The following ANKS1B variants were observed in gnomAD, a reference collection of about 807,000 sequenced individuals.
The protein encoded by ANKS1B is ankyrin repeat and sterile alpha motif domain-containing protein 1B.
A neutral mutation model predicts 148.3 loss-of-function variants in ANKS1B; 36 were observed. The observed-to-expected ratio is 0.24, with a 90% CI of 0.19 to 0.32. The LOEUF (loss-of-function observed/expected upper bound fraction) is 0.32, where lower values mean the gene tolerates loss of function less well. ANKS1B is among the 10% of genes least tolerant of loss of function. The pLI, the probability that ANKS1B is intolerant of heterozygous loss-of-function variation, is 1.00. For missense variants in ANKS1B, 1,157 were observed against 1,542.6 expected (o/e 0.75, Z 4.19); for synonymous variants, 542 against 560.8 (o/e 0.97, Z 0.47).
At chr12:99,288,122 C>T (rs1162505321) in intron 12 of ANKS1B, among the ~76,000 whole-genome samples, 1 of 152,030 alleles carries the variant, frequency 6.6e-6, no homozygotes, top group Non-Finnish European at 1.5e-5. Context: ...TTTTAATAAT[C>T]AAACTCCCAA....
chr12:98,930,934 A>G (rs2099813141), intron 17 of ANKS1B, among the ~76,000 whole-genome samples: 1 of 151,764 alleles, frequency 6.6e-6, no homozygotes, highest in Non-Finnish European at 1.5e-5. Context: ...AAATCTGGCC[A>G]CTCATGGTTT....
chr12:99,679,104 A>G (rs191841986), intron 8 of ANKS1B, among the ~76,000 whole-genome samples: 1 of 152,338 alleles, frequency 6.6e-6, no homozygotes, highest in Admixed American at 6.5e-5. Context: ...CAGAATAAAA[A>G]TGAACCCTGA....
chr12:98,816,421 G>A (rs1271892772), intron 19 of ANKS1B, among the ~76,000 whole-genome samples: 1 of 151,998 alleles, frequency 6.6e-6, no homozygotes, highest in Non-Finnish European at 1.5e-5. Flanking sequence ...TCAGCCTCCC[G>A]AGTAGCTGGG....
At chr12:98,999,591 C>A (rs184270510) in intron 17 of ANKS1B, among the ~76,000 whole-genome samples, 1 of 152,236 alleles carries the variant, frequency 6.6e-6, no homozygotes, top group African/African-American at 2.4e-5. Flanking sequence ...AAGGTTAACT[C>A]TTTATATCTA....
At position 98,829,414 on chromosome 12, in the gene ANKS1B, AT is replaced by A. The variant is rs1458516828; in HGVS notation, c.2887-62del. On this transcript the variant is annotated intron_variant, in intron 18 of 26. Coordinates refer to ENST00000683438, the MANE Select transcript of ANKS1B (RefSeq NM_001352186.2). The surrounding 1 kb of genome is among the most constrained non-coding windows in gnomAD (Gnocchi z 5.2). ...TCTGTGGCTAACCTTTGGTTTCAAA[AT>A]TGTGAAATACTGACAAGACAAACTG... 6.5e-7 allele frequency: 1 copy of A among 1,537,052 alleles called. No homozygotes were observed. Among genetic ancestry groups the A allele is most frequent in the African/African-American group, 1.4e-5 (1 of 72,700 alleles).
chr12:99,179,875 T>C (rs1198006264), intron 14 of ANKS1B, among the ~76,000 whole-genome samples: 1 of 152,240 alleles, frequency 6.6e-6, no homozygotes, highest in Non-Finnish European at 1.5e-5. Flanking sequence ...TTATTATTAG[T>C]ATCATCAAAA....
chr12:99,010,022 G>A (rs1382747407), intron 17 of ANKS1B, among the ~76,000 whole-genome samples: 2 of 152,150 alleles, frequency 1.3e-5, no homozygotes, highest in Non-Finnish European at 2.9e-5. Context: ...GGCCAGGAGC[G>A]TGGAGGGAAC....
chr12:98,981,093 C>A (rs778097085), intron 17 of ANKS1B, among the ~76,000 whole-genome samples: 3 of 151,636 alleles, frequency 2.0e-5, no homozygotes, highest in Non-Finnish European at 2.9e-5. Flanking sequence ...ACTGCTTGAG[C>A]TCAGGAGTTT....
intron 17 of ANKS1B, chr12:98,893,641 T>C (rs1022880741): frequency 1.3e-4 from 20 of 152,238 alleles, no homozygotes; most frequent in African/African-American, 4.8e-4. Flanking sequence ...CTAAGAATCA[T>C]CAAGCAATTC....
intron 8 of ANKS1B, among the ~76,000 whole-genome samples, chr12:99,753,971 C>T (rs1420702240): frequency 6.6e-6 from 1 of 151,780 alleles, no homozygotes; most frequent in Admixed American, 6.6e-5. Context: ...TACAGTGAGC[C>T]AAGATCACAC....
intron 20 of ANKS1B, among the ~76,000 whole-genome samples, chr12:98,802,355 T>C (rs552619845): frequency 6.4e-4 from 97 of 152,228 alleles, no homozygotes; most frequent in African/African-American, 2.2e-3. Flanking sequence ...TTGGATGCAG[T>C]TGTATGTTTT....
chr12:99,162,332 TTATATAG>T (rs1372753571), intron 14 of ANKS1B, among the ~76,000 whole-genome samples: 1 of 152,110 alleles, frequency 6.6e-6, no homozygotes, highest in East Asian at 1.9e-4. Context: ...ATATATGTAT[TTATATAG>T]TATATCAGTA....
intron 8 of ANKS1B, among the ~76,000 whole-genome samples, chr12:99,761,032 C>T (rs552705878): frequency 3.2e-5 from 2 of 61,604 alleles, no homozygotes; most frequent in Non-Finnish European, 6.6e-5. Context: ...TAATGAATTC[C>T]GAAATGGAAT....
intron 25 of ANKS1B, among the ~76,000 whole-genome samples, chr12:98,753,314 C>T (rs115651923): frequency 1.2e-3 from 187 of 152,288 alleles, no homozygotes; most frequent in African/African-American, 4.2e-3. Context: ...GGCAGGGTGG[C>T]CACCACACCC....
At chr12:99,682,467 G>T (rs918961208) in intron 8 of ANKS1B, among the ~76,000 whole-genome samples, 8 of 152,146 alleles carry the variant, frequency 5.3e-5, no homozygotes, top group African/African-American at 1.9e-4. Context: ...TCAAAACCAT[G>T]GAAATACATG....
chr12:99,096,631 T>A (rs1482897930), intron 15 of ANKS1B, among the ~76,000 whole-genome samples: 1 of 152,156 alleles, frequency 6.6e-6, no homozygotes, highest in African/African-American at 2.4e-5. Flanking sequence ...GAAGGGAAAA[T>A]TTGTATCAGG....
chr12:98,960,892 G>A (rs999616315), intron 17 of ANKS1B, among the ~76,000 whole-genome samples: 2 of 152,094 alleles, frequency 1.3e-5, no homozygotes, highest in Non-Finnish European at 1.5e-5. Context: ...GAGTCTCTTA[G>A]CAGAATTGAT....
intron 19 of ANKS1B, among the ~76,000 whole-genome samples, chr12:98,818,591 T>C (rs563695873): frequency 1.3e-5 from 2 of 152,142 alleles, no homozygotes; most frequent in Non-Finnish European, 2.9e-5. Context: ...CTGGATGCTA[T>C]CAAACGTTTT....
intron 8 of ANKS1B, among the ~76,000 whole-genome samples, chr12:99,732,531 A>G (rs796901923): frequency 5.9e-5 from 9 of 152,320 alleles, no homozygotes; most frequent in African/African-American, 2.2e-4. Flanking sequence ...ATGAAATTCT[A>G]GAAAAAAAAA....
Sources: gnomAD v4.1 joint callset for allele counts (sites outside exome capture counted in the v4.1 genomes callset) on GRCh38, gnomAD v4.1.1 for gene constraint, Gnocchi (gnomAD v3.1) non-coding constraint, MANE v1.5 for transcripts, NCBI Gene and HGNC (gene_info 2026-07-23, HGNC 2026-07-21) for gene names.